The following PRKCSH variants were observed in gnomAD, a reference collection of about 807,000 sequenced individuals.
The protein encoded by PRKCSH is PRKCSH beta subunit of glucosidase II.
A neutral mutation model predicts 79.7 loss-of-function variants in PRKCSH; 42 were observed. The observed-to-expected ratio is 0.53, with a 90% CI of 0.41 to 0.68. The LOEUF (loss-of-function observed/expected upper bound fraction) is 0.68, where lower values mean the gene tolerates loss of function less well. Ranked by LOEUF, PRKCSH falls within the 30% of genes least tolerant of loss-of-function variation. The pLI is 0.00. For synonymous variants in PRKCSH, 325 were observed against 288.2 expected (o/e 1.13, Z -1.29); for missense variants, 686 against 709.0 (o/e 0.97, Z 0.37).
intron 5 of PRKCSH, 45 bp from the exon 6 acceptor site, chr19:11,441,195 T>G: frequency 6.3e-7 from 1 of 1,592,502 alleles, no homozygotes; most frequent in Non-Finnish European, 8.6e-7. Context: ...ACCTGGTGGA[T>G]CCTAAGTGCC....
At chr19:11,450,497 A>G (rs935175327) in intron 17 of PRKCSH, 149 bp from the exon 18 acceptor site, 8 of 151,860 alleles carry the variant, frequency 5.3e-5, no homozygotes, top group African/African-American at 1.9e-4. Flanking sequence ...TAATAATAAT[A>G]AGAGAAAATA....
In PRKCSH at chr19:11,435,644, G is replaced by C. The variant is rs1969677371; in HGVS notation, c.-140G>C. The C allele has an allele frequency of 7.9e-7, 1 of 1,267,046 alleles. No individual in the cohort carries two copies. Among genetic ancestry groups the C allele is most frequent in the Non-Finnish European group, 1.0e-6 (1 of 967,490 alleles). 78.5% of individuals were successfully genotyped at this position (1,267,046 alleles called of 1,614,324 possible). Reference sequence around the variant, plus strand: ...CAGAAATTTCCGCTTTCTTTCTGCAGCAGGAACCGCGGCTGCTGGACAAGA... The same window carrying C: ...CAGAAATTTCCGCTTTCTTTCTGCACCAGGAACCGCGGCTGCTGGACAAGA... On this transcript the variant is annotated 5_prime_UTR_variant, in exon 1 of 18. Coordinates refer to ENST00000677123, the MANE Select transcript of PRKCSH (RefSeq NM_001289104.2).
At position 11,437,868 on chromosome 19, in the gene PRKCSH, C is replaced by T. The variant is rs747318053; in HGVS notation, c.197-8C>T. The T allele has an allele frequency of 3.1e-6, 5 of 1,613,832 alleles. No individual in the cohort carries two copies. Among genetic ancestry groups the T allele is most frequent in the East Asian group, 2.2e-5 (1 of 44,888 alleles). On this transcript the variant is annotated splice_polypyrimidine_tract_variant and splice_region_variant and intron_variant, in intron 3 of 17. Coordinates refer to ENST00000677123, the MANE Select transcript of PRKCSH (RefSeq NM_001289104.2). ...CTCCGAAAACCTTCCCTCCCTTCTT[C>T]CTCACAGGCACGGCTGCCTGTCCTA...
In PRKCSH at chr19:11,447,615, C is replaced by T; in HGVS notation, c.1026C>T (p.Pro342=). ...ATTCCGAGGTGCAGGGGGAGCAGCC[C>T]AAGGTCCGTGTTTGGGGGAGAAGTG... ...EEDSEVQGEQ[P]KEAPPPLSPP... The change falls in exon 11 of 18, where the codon CCC becomes CCT. Residue 342 remains proline (P), a synonymous_variant. Coordinates refer to ENST00000677123, the MANE Select transcript of PRKCSH (RefSeq NM_001289104.2). The surrounding 1 kb of genome is among the most constrained non-coding windows in gnomAD (Gnocchi z 5.6). The T allele has an allele frequency of 1.3e-6, 2 of 1,584,910 alleles. No homozygotes were observed. Among genetic ancestry groups the T allele is most frequent in the East Asian group, 2.3e-5 (1 of 43,372 alleles).
chr19:11,444,929 C>T (rs1020390895), intron 7 of PRKCSH, among the ~76,000 whole-genome samples: 2 of 152,120 alleles, frequency 1.3e-5, no homozygotes, highest in African/African-American at 4.8e-5. Context: ...CCCAACCCCA[C>T]CTCCCACCTC....
At chr19:11,442,673 A>T (rs1970117375) in intron 7 of PRKCSH, among the ~76,000 whole-genome samples, 158 bp downstream of exon 7, 1 of 152,112 alleles carries the variant, frequency 6.6e-6, no homozygotes, top group Non-Finnish European at 1.5e-5. Flanking sequence ...ATTGTGGCAT[A>T]TGTCAGGAGC....
At position 11,445,394 on chromosome 19, in the gene PRKCSH, C is replaced by A; in HGVS notation, c.604C>A (p.Leu202Met). 1 of 1,613,794 alleles carries A rather than the reference C, an allele frequency of 6.2e-7. No individual in the cohort carries two copies. Among genetic ancestry groups the A allele is most frequent in the Non-Finnish European group, 8.5e-7 (1 of 1,180,020 alleles). Residue 202 changes from leucine to methionine, a missense_variant, in exon 8 of 18, where the codon CTG (leucine) becomes ATG (methionine). By Grantham distance (15) the Leu-to-Met change is conservative (BLOSUM62 2). Around this residue, in one of 2 missense-constraint regions of PRKCSH, gnomAD observed 549 missense variants for 520.2 expected, o/e 1.06. Coordinates refer to ENST00000677123, the MANE Select transcript of PRKCSH (RefSeq NM_001289104.2). ...CAGAGGTGGCTTCTTTACAGAGCAG[C>A]TGGCTGCTGCCAAGGCCCAACAGGA... is the stretch of plus-strand genomic sequence containing the variant. ...EQHQKLWEEQLAAAKAQQEQE... is the reference protein window; with the variant it reads ...EQHQKLWEEQMAAAKAQQEQE...
rs778613334 is a variant in PRKCSH, at chr19:11,442,446, C to T, written c.529C>T (p.Arg177Trp). 1.1e-5 allele frequency: 18 copies of T among 1,611,640 alleles called. No homozygotes were observed. The highest frequency in any genetic ancestry group is 4.0e-5 in the African/African-American group (3 of 74,794). Residue 177 changes from arginine (R) to tryptophan (W), a missense_variant, in exon 7 of 18, where the codon CGG (arginine) becomes TGG (tryptophan). By Grantham distance (101) the Arg-to-Trp change is moderately radical. Coordinates refer to ENST00000677123, the MANE Select transcript of PRKCSH (RefSeq NM_001289104.2). ...TCTGGAAGACCAGGTGGAGATGCTG[C>T]GGACAGTGAAGGAGGAAGCTGAGAA... Reference protein sequence around the residue: ...KSLEDQVEMLRTVKEEAEKPE... With the variant: ...KSLEDQVEMLWTVKEEAEKPE...
At chr19:11,445,798 C>T (rs1489520646) in intron 8 of PRKCSH, 1 of 475,240 alleles carries the variant, frequency 2.1e-6, no homozygotes, top group South Asian at 2.1e-5. Flanking sequence ...GGGTTCGAAT[C>T]CTGGCTGTGC....
intron 5 of PRKCSH, among the ~76,000 whole-genome samples, chr19:11,439,155 C>T (rs1296781760): frequency 1.3e-5 from 2 of 152,152 alleles, no homozygotes; most frequent in African/African-American, 4.8e-5. Flanking sequence ...GATCTGCTCG[C>T]CTCAGCCTCC....
chr19:11,448,026 C>T lies in PRKCSH; in HGVS notation c.1127-196C>T. On this transcript the variant is annotated intron_variant, in intron 12 of 17. Transcript: ENST00000677123. This position sits in a 1 kb window ranked among gnomAD's most constrained non-coding sequence, Gnocchi z 4.4. ...CTTGTTTGTGTCACTCCTGGCCCCA[C>T]TCGCTCAGGAGCTGGGAGCCTGGGC... 3 of 758,310 alleles carry T rather than the reference C, an allele frequency of 4.0e-6. No homozygotes were observed. Among genetic ancestry groups the T allele is most frequent in the Non-Finnish European group, 6.5e-6 (3 of 460,528 alleles). 47.0% of individuals were successfully genotyped at this position (758,310 alleles called of 1,614,324 possible). A position where few individuals can be genotyped will look rare whatever the true frequency, so the allele number is the denominator to read the frequency against.
intron 9 of PRKCSH, 89 bp from the exon 10 acceptor site, chr19:11,446,985 G>T: frequency 1.4e-6 from 2 of 1,409,568 alleles, no homozygotes; most frequent in Non-Finnish European, 2.0e-6. Context: ...CAGCCCTCCC[G>T]TGCCTGGCAC....
chr19:11,442,347 A>T (rs1356391992), intron 6 of PRKCSH, 39 bp from the exon 7 acceptor site: 25 of 1,556,442 alleles, frequency 1.6e-5, no homozygotes, highest in Non-Finnish European at 2.1e-5. Context: ...GAGGAGGCAG[A>T]ACAGAGGAGA....
rs145740877 is a variant in PRKCSH, at chr19:11,447,594, C to T, written c.1005C>T (p.Ser335=). 30 of 1,591,504 alleles carry T rather than the reference C, an allele frequency of 1.9e-5. No individual in the cohort carries two copies. The highest frequency in any genetic ancestry group is 1.8e-4 in the African/African-American group (13 of 74,216). ...AAGAAGAGGAGGAGGAGGAGGATTC[C>T]GAGGTGCAGGGGGAGCAGCCCAAGG... is the stretch of plus-strand genomic sequence containing the variant. The part of the protein sequence containing the change: ...EAEEEEEEED[S]EVQGEQPKEA... The change falls in exon 11 of 18, where the codon TCC becomes TCT. Residue 335 remains serine (S), a synonymous_variant. Transcript: ENST00000677123. This position sits in a 1 kb window ranked among gnomAD's most constrained non-coding sequence, Gnocchi z 5.6.
intron 8 of PRKCSH, chr19:11,445,916 A>T (rs1970274173): frequency 2.7e-6 from 1 of 376,836 alleles, no homozygotes; most frequent in Admixed American, 4.3e-5. Flanking sequence ...CTTCAGAGGG[A>T]CCGAATGGGC....
In PRKCSH at chr19:11,436,360, C is replaced by T. The variant is rs759607240; in HGVS notation, c.80-29C>T. On this transcript the variant is annotated intron_variant, in intron 2 of 17. Transcript: ENST00000677123. ...ATTTGGTGGAGAAGGCGCTTACCTGCCCTGGGCTGAGCTTCCTGTACCCCG... is the reference window on the plus strand; with the variant it reads ...ATTTGGTGGAGAAGGCGCTTACCTGTCCTGGGCTGAGCTTCCTGTACCCCG... The T allele has an allele frequency of 4.4e-6, 7 of 1,606,254 alleles. No homozygotes were observed. In the East Asian group the frequency reaches 1.1e-4, roughly 26 times the overall value.
rs538549773 is a variant in PRKCSH at position 11,447,179 on chromosome 19, A to T, written c.849+19A>T. On this transcript the variant is annotated intron_variant, in intron 10 of 17. Transcript: ENST00000677123. This position sits in a 1 kb window ranked among gnomAD's most constrained non-coding sequence, Gnocchi z 5.6. ...GTCCGAGGTCAGTGGAGGAGAAGGGAGGGGACTTGGTCCTCCCACCACACT... is the reference window on the plus strand; with the variant it reads ...GTCCGAGGTCAGTGGAGGAGAAGGGTGGGGACTTGGTCCTCCCACCACACT... The T allele has an allele frequency of 6.2e-7, 1 of 1,612,112 alleles. No homozygotes were observed.
Position 11,438,103 on chromosome 19 carries a change from T to C in PRKCSH, c.329T>C (p.Val110Ala). 6.2e-7 allele frequency: 1 copy of C among 1,614,076 alleles called. No individual in the cohort carries two copies. The highest frequency in any genetic ancestry group is 8.5e-7 in the Non-Finnish European group (1 of 1,180,012). ...CDGTDEYNSG[V>A]ICENTCKEKG... Reference sequence around the variant, plus strand: ...GGAACAGACGAGTACAACAGCGGCGTCATCTGTGAGAACACCTGCAAGTAC... The same window carrying C: ...GGAACAGACGAGTACAACAGCGGCGCCATCTGTGAGAACACCTGCAAGTAC... Residue 110 changes from valine (V) to alanine (A), a missense_variant, in exon 5 of 18, where the codon GTC (valine) becomes GCC (alanine). By Grantham distance (64) the Val-to-Ala change is moderately conservative. Around this residue, in one of 2 missense-constraint regions of PRKCSH, gnomAD observed 549 missense variants for 520.2 expected, o/e 1.06. Transcript: ENST00000677123.
intron 7 of PRKCSH, among the ~76,000 whole-genome samples, chr19:11,443,255 G>A (rs988678878): frequency 1.4e-4 from 21 of 151,288 alleles, no homozygotes; most frequent in Non-Finnish European, 7.4e-5. Flanking sequence ...TCTACTAAAA[G>A]AAAAAATTAT....
Sources: allele counts gnomAD v4.1 joint callset (sites outside exome capture counted in the v4.1 genomes callset), GRCh38; gene constraint gnomAD v4.1.1; regional missense constraint gnomAD v4.1.1; non-coding constraint Gnocchi (gnomAD v3.1); transcripts MANE v1.5; gene names NCBI Gene and HGNC (gene_info 2026-07-23, HGNC 2026-07-21).